Variants in GLRX2 observed in about 807,000 individuals in gnomAD.
GLRX2 encodes glutaredoxin 2.
Under a neutral mutation model 16.4 loss-of-function variants are expected in GLRX2, and 12 were observed. The observed-to-expected ratio is 0.73, with a 90% CI of 0.47 to 1.19. GLRX2 has a LOEUF of 1.19. GLRX2 is among the 50% of genes most tolerant of loss of function. The pLI, the probability that GLRX2 is intolerant of heterozygous loss-of-function variation, is 0.00. For missense variants in GLRX2, 201 were observed against 201.8 expected, an observed-to-expected ratio of 1.00 and a Z score of 0.02; for synonymous variants, 95 against 76.2, an observed-to-expected ratio of 1.25 and a Z score of -1.28.
chr1:193,098,010 T>C (rs1674995006), intron 2 of GLRX2, among the ~76,000 whole-genome samples: 1 of 152,234 alleles, frequency 6.6e-6, no homozygotes, highest in African/African-American at 2.4e-5. Context: ...CCAATTCATA[T>C]ACAGCAACCA....
chr1:193,100,027 C>T (rs1675042925), intron 2 of GLRX2, among the ~76,000 whole-genome samples: 1 of 150,974 alleles, frequency 6.6e-6, no homozygotes. Context: ...GAGAGATGAG[C>T]TTCCAGGGCT....
At chr1:193,105,629 G>C (rs202181914), upstream of GLRX2, 178 of 1,600,580 alleles carry the variant, frequency 1.1e-4, no homozygotes, top group Middle Eastern at 5.0e-4. Context: ...TGCTTATCTC[G>C]AGGGTTCATC....
intron 1 of GLRX2, among the ~76,000 whole-genome samples, chr1:193,104,020 CAACT>C (rs1227992530): frequency 6.6e-6 from 1 of 152,148 alleles, no homozygotes; most frequent in East Asian, 1.9e-4. Context: ...TTTGGTTTAT[CAACT>C]AAGAAAGCAA....
At position 193,096,501 on chromosome 1, in the gene GLRX2, T is replaced by C. The variant is rs1674961587; in HGVS notation, c.*124A>G. On this transcript the variant is annotated 3_prime_UTR_variant, in exon 4 of 4. Transcript: ENST00000367439. ...TCCACCGCAATTTATTGTTCATTAT[T>C]TTTACATCTTCTTCGTGAAGACAAT... 3.9e-6 allele frequency: 2 copies of C among 513,688 alleles called. No individual in the cohort carries two copies. The highest frequency in any genetic ancestry group is 6.6e-6 in the Non-Finnish European group (2 of 301,476). 31.8% of individuals were successfully genotyped at this position (513,688 alleles called of 1,614,324 possible).
chr1:193,101,571 C>G (rs1675078197), intron 1 of GLRX2, among the ~76,000 whole-genome samples: 1 of 152,256 alleles, frequency 6.6e-6, no homozygotes, highest in African/African-American at 2.4e-5. Flanking sequence ...GTAAAACATG[C>G]CAAAACTCTA....
chr1:193,105,356 C>T lies in GLRX2; in HGVS notation c.27G>A (p.Ala9=), dbSNP rs527549646. 3.8e-4 allele frequency: 582 copies of T among 1,548,048 alleles called. 6 individuals are homozygous for T. The African/African-American group carries it at 6.9e-3, about 18-fold the overall frequency. ...TCCTGCTCCAAACCAGCCGCGTCCCCGCCAGCGCCGCGCGGCGCCAAATCA... is the reference window on the plus strand; with the variant it reads ...TCCTGCTCCAAACCAGCCGCGTCCCTGCCAGCGCCGCGCGGCGCCAAATCA... MIWRRAAL[A]GTRLVWSRSG... Residue 9 remains alanine (A), a synonymous_variant, in exon 1 of 4, where the codon GCG becomes GCA. Coordinates refer to ENST00000367439, the MANE Select transcript of GLRX2 (RefSeq NM_197962.3).
upstream of GLRX2, chr1:193,105,593 C>T: frequency 6.2e-7 from 1 of 1,607,368 alleles, no homozygotes; most frequent in Non-Finnish European, 8.5e-7. Flanking sequence ...GTGTAAACAT[C>T]CTTTAGAGGG....
rs79600918 is a variant in GLRX2, at chr1:193,099,579, G to T, written c.183+1562C>A. ...ACTCCTAGGCTCAAGCAATCTACCT[G>T]CCTCGGCCTTCCAAAGTGCTGGGAT... On this transcript the variant is annotated intron_variant, in intron 2 of 3. Transcript: ENST00000367439. Among the ~76,000 whole-genome samples the T allele has an allele frequency of 5.4e-3, 821 of 152,194 alleles. 11 individuals are homozygous for T. The highest frequency in any genetic ancestry group is 0.019 in the African/African-American group (787 of 41,528).
chr1:193,104,061 A>G (rs1024401238), intron 1 of GLRX2, among the ~76,000 whole-genome samples: 3 of 152,216 alleles, frequency 2.0e-5, no homozygotes, highest in Non-Finnish European at 4.4e-5. Context: ...TCCAGCACTT[A>G]AACTGTCATA....
chr1:193,097,554 G>C, intron 3 of GLRX2, 30 bp downstream of exon 3: 1 of 1,523,706 alleles, frequency 6.6e-7, no homozygotes, highest in African/African-American at 1.4e-5. Context: ...ACCTATTAAA[G>C]AGGAACAGCA....
intron 1 of GLRX2, among the ~76,000 whole-genome samples, chr1:193,104,715 T>A (rs986468639): frequency 1.3e-5 from 2 of 152,252 alleles, no homozygotes; most frequent in Non-Finnish European, 2.9e-5. Context: ...AGGAAAGCAC[T>A]ATCCTCGGTC....
intron 2 of GLRX2, among the ~76,000 whole-genome samples, chr1:193,098,200 G>C (rs1397351079): frequency 1.3e-5 from 2 of 152,120 alleles, no homozygotes; most frequent in African/African-American, 4.8e-5. Flanking sequence ...GCTGGGATTA[G>C]ACCCAGGCAA....
intron 2 of GLRX2, among the ~76,000 whole-genome samples, chr1:193,098,945 T>C (rs1259192850): frequency 2.0e-5 from 3 of 152,344 alleles, no homozygotes; most frequent in Admixed American, 6.5e-5. Flanking sequence ...AGGAATGGTA[T>C]ATGATTTCTT....
rs537135562 is a variant in GLRX2 at position 193,101,274 on chromosome 1, A to G, written c.120-70T>C. On this transcript the variant is annotated intron_variant, in intron 1 of 3. Coordinates refer to ENST00000367439, the MANE Select transcript of GLRX2 (RefSeq NM_197962.3). ...GATAATTTATCACGAGTTTTATTTG[A>G]AAAAAATCAATCTCATAAACAAATA... The G allele has an allele frequency of 7.5e-5, 77 of 1,026,524 alleles. No homozygotes were observed. In the South Asian group the frequency reaches 9.4e-4, roughly 13 times the overall value. 63.6% of individuals were successfully genotyped at this position (1,026,524 alleles called of 1,614,324 possible).
intron 2 of GLRX2, 98 bp from the exon 3 acceptor site, chr1:193,097,858 G>A: frequency 1.4e-6 from 1 of 734,622 alleles, no homozygotes; most frequent in East Asian, 3.1e-5. Flanking sequence ...GGTCTCTCAT[G>A]ATTCTGGGCT....
upstream of GLRX2, chr1:193,105,531 G>A: frequency 6.4e-7 from 1 of 1,569,620 alleles, no homozygotes; most frequent in Non-Finnish European, 8.6e-7. Flanking sequence ...TCGCAGCTGA[G>A]CGCGTCCTCC....
intron 2 of GLRX2, among the ~76,000 whole-genome samples, chr1:193,100,203 G>C (rs1472902515): frequency 4.6e-5 from 7 of 152,182 alleles, no homozygotes; most frequent in African/African-American, 1.7e-4. Context: ...GGCCAGGCAC[G>C]GTGGCTCATG....
chr1:193,104,816 G>T (rs1046977305), intron 1 of GLRX2, among the ~76,000 whole-genome samples: 33 of 152,386 alleles, frequency 2.2e-4, no homozygotes, highest in African/African-American at 6.7e-4. Flanking sequence ...CTGCAGTAGG[G>T]TGGCTAAGTT....
At chr1:193,104,022 A>G (rs1377192001) in intron 1 of GLRX2, among the ~76,000 whole-genome samples, 1 of 152,178 alleles carries the variant, frequency 6.6e-6, no homozygotes, top group South Asian at 2.1e-4. Context: ...TGGTTTATCA[A>G]CTAAGAAAGC....
Sources: allele counts gnomAD v4.1 joint callset (sites outside exome capture counted in the v4.1 genomes callset), GRCh38; gene constraint gnomAD v4.1.1; transcripts MANE v1.5; gene names NCBI Gene and HGNC (gene_info 2026-07-23, HGNC 2026-07-21).